The following RARB variants were observed in gnomAD, a reference collection of about 807,000 sequenced individuals.
RARB encodes the protein retinoic acid receptor beta, also known as HBV-activated protein.
A neutral mutation model predicts 51.9 loss-of-function variants in RARB; 17 were observed. The ratio of observed to expected loss-of-function variants is 0.33; its 90% confidence interval spans 0.22 to 0.49. The LOEUF (loss-of-function observed/expected upper bound fraction) is 0.49. Among genes scored for constraint, RARB ranks in the 20% least tolerant of loss-of-function variants. The pLI is 0.99. For synonymous variants in RARB, 215 were observed against 195.4 expected (o/e 1.10, Z -0.84); for missense variants, 369 against 550.8 (o/e 0.67, Z 3.30).
intron 4 of RARB, among the ~76,000 whole-genome samples, chr3:25,149,449 G>A (rs1423658293): frequency 6.6e-6 from 1 of 152,130 alleles, no homozygotes; most frequent in Non-Finnish European, 1.5e-5. Flanking sequence ...TGTGATTGTG[G>A]GTGAGTGACT....
rs184415570 is a variant in RARB at position 25,470,508 on chromosome 3, T to C, written c.306+9167T>C. Among the ~76,000 whole-genome samples, 57 of 152,170 alleles carry C rather than the reference T, an allele frequency of 3.7e-4. No individual in the cohort carries two copies. The East Asian group carries it at 3.9e-3, about 10-fold the overall frequency. The stretch of plus-strand genomic sequence containing the variant: ...TATAGATGTGTAAGCATTTTCCAGA[T>C]GAGGAAGGGGAGAGGAGTGTTCCAG... On this transcript the variant is annotated intron_variant, in intron 2 of 7. Transcript: ENST00000330688.
At chr3:24,955,154 C>G (rs1285168556) in intron 2 of RARB, among the ~76,000 whole-genome samples, 1 of 152,052 alleles carries the variant, frequency 6.6e-6, no homozygotes, top group Non-Finnish European at 1.5e-5. Context: ...TATGAAGCAG[C>G]AGAAGTGGCT....
intron 3 of RARB, among the ~76,000 whole-genome samples, chr3:25,104,253 A>G (rs1253429775): frequency 6.6e-6 from 1 of 152,196 alleles, no homozygotes; most frequent in African/African-American, 2.4e-5. Context: ...TGGTGCAACC[A>G]GAGCACCCAT....
chr3:24,986,800 C>T (rs1235677124), intron 2 of RARB, among the ~76,000 whole-genome samples: 1 of 152,056 alleles, frequency 6.6e-6, no homozygotes, highest in Non-Finnish European at 1.5e-5. Flanking sequence ...CAGCCTTCAC[C>T]CTGTTAACTC....
At chr3:25,513,531 T>C (rs1400821067) in intron 3 of RARB, among the ~76,000 whole-genome samples, 1 of 152,062 alleles carries the variant, frequency 6.6e-6, no homozygotes, top group African/African-American at 2.4e-5. Flanking sequence ...CTCTCCCACT[T>C]TGCACCATAT....
chr3:25,173,962 G>A (rs569756574), intron 4 of RARB, among the ~76,000 whole-genome samples: 2 of 152,304 alleles, frequency 1.3e-5, no homozygotes, highest in Non-Finnish European at 2.9e-5. Flanking sequence ...ATGTTAGAAT[G>A]TGAGAAAAGA....
chr3:24,890,454 G>A (rs146531894), intron 2 of RARB, among the ~76,000 whole-genome samples: 95 of 152,240 alleles, frequency 6.2e-4, no homozygotes, highest in African/African-American at 2.1e-3. Flanking sequence ...CCGTGAAGAC[G>A]TATGACTTTG....
At chr3:25,305,905 T>G (rs1008419776) in intron 5 of RARB, among the ~76,000 whole-genome samples, 1 of 152,194 alleles carries the variant, frequency 6.6e-6, no homozygotes, top group Non-Finnish European at 1.5e-5. Flanking sequence ...GATGAATGTT[T>G]GCAGCCTGTC....
At chr3:24,911,181 T>A (rs1241897701) in intron 2 of RARB, among the ~76,000 whole-genome samples, 1 of 152,170 alleles carries the variant, frequency 6.6e-6, no homozygotes, top group Non-Finnish European at 1.5e-5. Flanking sequence ...GAAACCATCT[T>A]CTCTCTCGGA....
intron 5 of RARB, among the ~76,000 whole-genome samples, chr3:25,267,800 A>C (rs141505748): frequency 1.0e-3 from 157 of 152,322 alleles, no homozygotes; most frequent in African/African-American, 3.8e-3. Context: ...TTAAATATAC[A>C]GTGAAAATCA....
intron 5 of RARB, among the ~76,000 whole-genome samples, chr3:25,272,309 T>A (rs1331427917): frequency 6.6e-6 from 1 of 152,220 alleles, no homozygotes; most frequent in Non-Finnish European, 1.5e-5. Flanking sequence ...CTGGTAGATA[T>A]GCCATGATCT....
At chr3:25,365,351 A>G (rs191801465) in intron 5 of RARB, among the ~76,000 whole-genome samples, 11 of 151,626 alleles carry the variant, frequency 7.3e-5, no homozygotes, top group African/African-American at 2.7e-4. Flanking sequence ...GGCTAAAGTG[A>G]TCCTCCTGCC....
intron 5 of RARB, among the ~76,000 whole-genome samples, chr3:25,279,407 A>G (rs1703468812): frequency 6.6e-6 from 1 of 152,118 alleles, no homozygotes; most frequent in Non-Finnish European, 1.5e-5. Flanking sequence ...AGTTGAGATA[A>G]TTGTGTTTCT....
chr3:25,190,475 G>C (rs1701076093), intron 5 of RARB, among the ~76,000 whole-genome samples: 1 of 152,064 alleles, frequency 6.6e-6, no homozygotes, highest in African/African-American at 2.4e-5. Flanking sequence ...TTGCATTATA[G>C]AGCACTCCAG....
At chr3:25,345,983 C>G (rs968706373) in intron 5 of RARB, 1 of 652,956 alleles carries the variant, frequency 1.5e-6, no homozygotes, top group African/African-American at 2.0e-5. Flanking sequence ...TTGGGGCTGG[C>G]TCCGATGAGT....
rs887531652 is a variant in RARB at position 25,272,140 on chromosome 3, A to G, written c.178+97565A>G. Reference sequence around the variant, plus strand: ...GAAAGTATAGATATAAAACATTTCCATTGATTGCAGAAAATTCTATGGACA... The same window carrying G: ...GAAAGTATAGATATAAAACATTTCCGTTGATTGCAGAAAATTCTATGGACA... On this transcript the variant is annotated intron_variant, in intron 5 of 11. Transcript: ENST00000383772. 7.9e-5 allele frequency among the ~76,000 whole-genome samples: 12 copies of G among 152,362 alleles called. No homozygotes were observed. In the East Asian group the frequency reaches 2.3e-3, roughly 29 times the overall value.
chr3:25,558,227 C>T (rs1011077158), intron 3 of RARB, among the ~76,000 whole-genome samples: 1 of 152,134 alleles, frequency 6.6e-6, no homozygotes, highest in African/African-American at 2.4e-5. Context: ...CTTTATCTGG[C>T]CTCCTCTTAA....
At chr3:24,980,473 T>C (rs1463013182) in intron 2 of RARB, among the ~76,000 whole-genome samples, 1 of 152,170 alleles carries the variant, frequency 6.6e-6, no homozygotes, top group African/African-American at 2.4e-5. Flanking sequence ...TTGTTTCTCT[T>C]CTTTCTCTAA....
intron 5 of RARB, among the ~76,000 whole-genome samples, chr3:25,383,810 A>C (rs1029332799): frequency 1.3e-5 from 2 of 151,908 alleles, no homozygotes; most frequent in African/African-American, 4.8e-5. Context: ...GGCACCTGTA[A>C]TCCCAGCTAC....
Sources: allele counts gnomAD v4.1 joint callset (sites outside exome capture counted in the v4.1 genomes callset), GRCh38; gene constraint gnomAD v4.1.1; transcripts MANE v1.5; gene names NCBI Gene and HGNC (gene_info 2026-07-23, HGNC 2026-07-21).